Variants in MACROD2 observed in about 807,000 individuals in gnomAD.
MACROD2 encodes ADP-ribose glycohydrolase MACROD2.
A neutral mutation model predicts 70.4 loss-of-function variants in MACROD2; 36 were observed. The ratio of observed to expected loss-of-function variants is 0.51; its 90% CI spans 0.39 to 0.68. The LOEUF (loss-of-function observed/expected upper bound fraction) is 0.68. Ranked by LOEUF, MACROD2 falls within the 30% of genes least tolerant of loss-of-function variation. The pLI is 0.00. For synonymous variants in MACROD2, 172 were observed against 178.8 expected (o/e 0.96, Z 0.30); for missense variants, 496 against 538.4 (o/e 0.92, Z 0.78).
At chr20:15,697,207 C>T (rs1010481500) in intron 8 of MACROD2, among the ~76,000 whole-genome samples, 1 of 152,096 alleles carries the variant, frequency 6.6e-6, no homozygotes, top group Non-Finnish European at 1.5e-5. Flanking sequence ...GAACTTTCCT[C>T]TTAGCACTCC....
intron 5 of MACROD2, among the ~76,000 whole-genome samples, chr20:15,109,954 T>TCTCC (rs2123217770): frequency 6.6e-6 from 1 of 152,244 alleles, no homozygotes; most frequent in South Asian, 2.1e-4. Flanking sequence ...CCGTTTGTGA[T>TCTCC]AATAGGTTCT....
chr20:13,995,856 G>T lies in MACROD2; in HGVS notation c.46+47G>T. On this transcript the variant is annotated intron_variant, in intron 1 of 17. Coordinates refer to ENST00000684519, the MANE Select transcript of MACROD2 (RefSeq NM_001351661.2). The surrounding 1 kb of genome is among the most constrained non-coding windows in gnomAD (Gnocchi z 4.3). ...GGGGGTGCGGGCGGTGGGGGTTAGG[G>T]TGGGGGCGGGGGTCAGGCTGTGTGT... 6.8e-7 allele frequency: 1 copy of T among 1,477,880 alleles called. No individual in the cohort carries two copies. Among genetic ancestry groups the T allele is most frequent in the Non-Finnish European group, 9.2e-7 (1 of 1,084,108 alleles). 91.5% of individuals were successfully genotyped at this position (1,477,880 alleles called of 1,614,324 possible). A position where few individuals can be genotyped will look rare whatever the true frequency, so the allele number is the denominator to read the frequency against.
intron 8 of MACROD2, among the ~76,000 whole-genome samples, chr20:15,582,855 A>C (rs767849766): frequency 1.3e-5 from 2 of 152,216 alleles, no homozygotes; most frequent in Non-Finnish European, 2.9e-5. Context: ...CTTTAGTGCT[A>C]AACTATTGTA....
At chr20:15,410,886 T>C (rs1263016827) in intron 6 of MACROD2, among the ~76,000 whole-genome samples, 2 of 152,200 alleles carry the variant, frequency 1.3e-5, no homozygotes, top group Non-Finnish European at 2.9e-5. Flanking sequence ...GGACCTCGGC[T>C]TGGCTCCCAA....
intron 8 of MACROD2, among the ~76,000 whole-genome samples, chr20:15,515,453 G>A (rs2047554712): frequency 6.6e-6 from 1 of 152,126 alleles, no homozygotes; most frequent in Non-Finnish European, 1.5e-5. Flanking sequence ...CTCAAATACT[G>A]CATCTTTGGT....
intron 5 of MACROD2, among the ~76,000 whole-genome samples, chr20:14,833,996 A>T (rs2073000373): frequency 6.6e-6 from 1 of 152,118 alleles, no homozygotes; most frequent in African/African-American, 2.4e-5. Flanking sequence ...TTAAAAAATT[A>T]AATTTTCTGA....
chr20:14,219,478 C>T (rs2081651325), intron 3 of MACROD2, among the ~76,000 whole-genome samples: 1 of 151,984 alleles, frequency 6.6e-6, no homozygotes, highest in African/African-American at 2.4e-5. Context: ...CTTCGCCTTT[C>T]TTTGGTCCCT....
chr20:15,260,925 A>G (rs2067053071), intron 6 of MACROD2, among the ~76,000 whole-genome samples: 1 of 152,014 alleles, frequency 6.6e-6, no homozygotes, highest in South Asian at 2.1e-4. Context: ...AAATCTCTTT[A>G]CTAATTGGGC....
chr20:15,439,676 C>G (rs2046471102), intron 7 of MACROD2, among the ~76,000 whole-genome samples: 1 of 152,196 alleles, frequency 6.6e-6, no homozygotes, highest in African/African-American at 2.4e-5. Context: ...AGAGCAGACA[C>G]TGCCTTCTTT....
At chr20:14,879,262 G>C (rs566191540) in intron 5 of MACROD2, among the ~76,000 whole-genome samples, 3 of 152,112 alleles carry the variant, frequency 2.0e-5, no homozygotes, top group African/African-American at 7.2e-5. Context: ...GACAGAAAAA[G>C]AATGAGTTGA....
rs557841782 is a variant in MACROD2 at position 15,574,558 on chromosome 20, T to G, written c.645+74711T>G. 2.0e-5 allele frequency among the ~76,000 whole-genome samples: 3 copies of G among 152,302 alleles called. No homozygotes were observed. The South Asian group carries it at 6.2e-4, about 32-fold the overall frequency. On this transcript the variant is annotated intron_variant, in intron 8 of 17. Transcript: ENST00000684519. ...CACACCATGAAAGCATAGGAATGTT[T>G]TAGAAGATTTTTAGCTCTCGCAATT... is the stretch of plus-strand genomic sequence containing the variant.
chr20:14,364,372 T>G (rs204631), intron 3 of MACROD2, among the ~76,000 whole-genome samples: 151,973 of 152,304 alleles, frequency 1, 75,821 homozygotes, highest in East Asian at 1. Context: ...CTTACAAAGG[T>G]TTAGTTTTGC....
At chr20:14,977,537 C>T (rs138150811) in intron 5 of MACROD2, among the ~76,000 whole-genome samples, 1 of 151,450 alleles carries the variant, frequency 6.6e-6, no homozygotes, top group Non-Finnish European at 1.5e-5. Context: ...TTATCCTGGA[C>T]AAGCTGAATG....
intron 5 of MACROD2, among the ~76,000 whole-genome samples, chr20:14,740,534 T>A (rs767040608): frequency 1.3e-5 from 2 of 152,156 alleles, no homozygotes; most frequent in Non-Finnish European, 2.9e-5. Flanking sequence ...AATTAAACTA[T>A]CTTGCATATG....
intron 3 of MACROD2, among the ~76,000 whole-genome samples, chr20:14,106,859 CCA>C (rs2054376258): frequency 6.6e-6 from 1 of 152,162 alleles, no homozygotes; most frequent in Non-Finnish European, 1.5e-5. Context: ...TCTGCAAGAA[CCA>C]CAGTGTTTTT....
At chr20:14,825,889 G>A (rs930227715) in intron 5 of MACROD2, among the ~76,000 whole-genome samples, 6 of 152,134 alleles carry the variant, frequency 3.9e-5, no homozygotes, top group African/African-American at 1.4e-4. Flanking sequence ...ATGCACAAAA[G>A]ATCGCCCTCC....
At chr20:14,213,591 G>C (rs970789307) in intron 3 of MACROD2, among the ~76,000 whole-genome samples, 1 of 151,780 alleles carries the variant, frequency 6.6e-6, no homozygotes, top group Admixed American at 6.6e-5. Flanking sequence ...ATCTTACCGG[G>C]ATATAGCTTC....
intron 12 of MACROD2, among the ~76,000 whole-genome samples, chr20:15,958,177 A>G (rs2147383642): frequency 6.6e-6 from 1 of 152,342 alleles, no homozygotes; most frequent in Non-Finnish European, 1.5e-5. Flanking sequence ...CAGAACTGAT[A>G]TTCCGCCAGT....
At chr20:15,612,964 C>T (rs1334056769) in intron 8 of MACROD2, among the ~76,000 whole-genome samples, 1 of 152,168 alleles carries the variant, frequency 6.6e-6, no homozygotes, top group Non-Finnish European at 1.5e-5. Context: ...CACATTTCAG[C>T]CTGGGCACGG....
Sources: gnomAD v4.1 joint callset for allele counts (sites outside exome capture counted in the v4.1 genomes callset) on GRCh38, gnomAD v4.1.1 for gene constraint, Gnocchi (gnomAD v3.1) non-coding constraint, MANE v1.5 for transcripts, NCBI Gene and HGNC (gene_info 2026-07-23, HGNC 2026-07-21) for gene names.